Variants in ANKIB1 observed in about 807,000 individuals in gnomAD.
ANKIB1 encodes the protein ankyrin repeat and IBR domain-containing protein 1.
A neutral mutation model predicts 122.1 loss-of-function variants in ANKIB1; 43 were observed. The observed-to-expected ratio is 0.35, with a 90% CI of 0.28 to 0.45. The LOEUF (loss-of-function observed/expected upper bound fraction) is 0.45. Among genes scored for constraint, ANKIB1 ranks in the 20% least tolerant of loss-of-function variants. ANKIB1 has a pLI of 1.00. For missense variants in ANKIB1, 992 were observed against 1,329.5 expected (o/e 0.75, Z 3.95); for synonymous variants, 390 against 442.0 (o/e 0.88, Z 1.48).
chr7:92,369,326 G>A lies in ANKIB1; in HGVS notation c.1487-2151G>A, dbSNP rs192261605. ...CATTACCGCTGTTTCTCTTTGCTGTGTGGAATTAAAAACCAATGCTTTTAC... is the reference window on the plus strand; with the variant it reads ...CATTACCGCTGTTTCTCTTTGCTGTATGGAATTAAAAACCAATGCTTTTAC... On this transcript the variant is annotated intron_variant, in intron 10 of 19. Coordinates refer to ENST00000265742, the MANE Select transcript of ANKIB1 (RefSeq NM_019004.2). 2.1e-3 allele frequency among the ~76,000 whole-genome samples: 318 copies of A among 152,298 alleles called. 1 individual carries two copies. The highest frequency in any genetic ancestry group is 7.2e-3 in the African/African-American group (299 of 41,572).
chr7:92,327,772 T>C lies in ANKIB1; in HGVS notation c.670-11T>C, dbSNP rs558200107. ...AATGCCCATTTAACTTTATTTTTTT[T>C]CTTTTCAAAGCCATATGAAGGATTA... On this transcript the variant is annotated splice_polypyrimidine_tract_variant and intron_variant, in intron 4 of 19. Coordinates refer to ENST00000265742, the MANE Select transcript of ANKIB1 (RefSeq NM_019004.2). The C allele has an allele frequency of 1.1e-5, 16 of 1,485,862 alleles. No individual in the cohort carries two copies. Among genetic ancestry groups the C allele is most frequent in the African/African-American group, 2.9e-5 (2 of 69,642 alleles). 92.0% of individuals were successfully genotyped at this position (1,485,862 alleles called of 1,614,324 possible).
chr7:92,398,083 A>C, intron 19 of ANKIB1, 129 bp from the exon 20 acceptor site: 1 of 1,116,120 alleles, frequency 9.0e-7, no homozygotes, highest in Non-Finnish European at 1.2e-6. Context: ...AGATTTTAGT[A>C]GATAAAATAA....
chr7:92,347,331 C>T (rs1803562311), intron 7 of ANKIB1, among the ~76,000 whole-genome samples: 1 of 151,936 alleles, frequency 6.6e-6, no homozygotes, highest in Non-Finnish European at 1.5e-5. Flanking sequence ...CATCAGCTGT[C>T]ATTATTGTTA....
chr7:92,343,993 T>C (rs1413307432), intron 6 of ANKIB1, among the ~76,000 whole-genome samples: 1 of 152,142 alleles, frequency 6.6e-6, no homozygotes, highest in Non-Finnish European at 1.5e-5. Context: ...GTGATAAATA[T>C]GAAAGTGCTT....
At chr7:92,309,158 CTT>C (rs1475555597) in intron 3 of ANKIB1, among the ~76,000 whole-genome samples, 4 of 152,082 alleles carry the variant, frequency 2.6e-5, no homozygotes, top group Non-Finnish European at 5.9e-5. Flanking sequence ...CTTTTAGAGT[CTT>C]TGTCATTTCA....
At chr7:92,301,798 G>A (rs1489820894) in intron 2 of ANKIB1, among the ~76,000 whole-genome samples, 1 of 152,048 alleles carries the variant, frequency 6.6e-6, no homozygotes, top group Non-Finnish European at 1.5e-5. Context: ...TTTTAGGCAG[G>A]TTAAAATGTT....
intron 1 of ANKIB1, among the ~76,000 whole-genome samples, chr7:92,247,748 T>C (rs1801200296): frequency 6.6e-6 from 1 of 152,216 alleles, no homozygotes; most frequent in Non-Finnish European, 1.5e-5. Flanking sequence ...CAAACGATAA[T>C]TTAAGAATAA....
chr7:92,387,989 T>C lies in ANKIB1; in HGVS notation c.1854T>C (p.Leu618=). 6.3e-7 allele frequency: 1 copy of C among 1,584,164 alleles called. No homozygotes were observed. The highest frequency in any genetic ancestry group is 1.1e-5 in the South Asian group (1 of 87,074). ...TATTCCTTTAGCTAGAACAACGCCT[T>C]CTTAAAACAGCCAAAGAAAAGATGG... The part of the protein sequence containing the change: ...HEHSYQLEQR[L]LKTAKEKMEQ... Residue 618 remains leucine, a synonymous_variant, in exon 14 of 20, where the codon CTT becomes CTC. Coordinates refer to ENST00000265742, the MANE Select transcript of ANKIB1 (RefSeq NM_019004.2).
At chr7:92,260,034 A>G (rs1256704951) in intron 1 of ANKIB1, among the ~76,000 whole-genome samples, 1 of 152,088 alleles carries the variant, frequency 6.6e-6, no homozygotes, top group Admixed American at 6.5e-5. Flanking sequence ...TCTCACCCCC[A>G]TTAGTCTTCT....
At chr7:92,298,127 AC>A (rs1242081153) in intron 2 of ANKIB1, among the ~76,000 whole-genome samples, 1 of 152,010 alleles carries the variant, frequency 6.6e-6, no homozygotes, top group East Asian at 1.9e-4. Flanking sequence ...TTATTACTAA[AC>A]TCATCTCTAC....
chr7:92,346,034 T>C (rs559868457), intron 7 of ANKIB1, among the ~76,000 whole-genome samples: 2 of 152,244 alleles, frequency 1.3e-5, no homozygotes, highest in South Asian at 4.1e-4. Flanking sequence ...ATTCCCAGGT[T>C]TCCTCATTTC....
intron 7 of ANKIB1, among the ~76,000 whole-genome samples, chr7:92,345,917 A>G (rs1407669103): frequency 6.6e-6 from 1 of 152,026 alleles, no homozygotes; most frequent in Non-Finnish European, 1.5e-5. Context: ...AGCTTTGTTG[A>G]GGTACAGTTG....
chr7:92,363,668 AC>A lies in ANKIB1; in HGVS notation c.1486+1396del, dbSNP rs369346001. Among the ~76,000 whole-genome samples, 439 of 152,356 alleles carry A rather than the reference AC, an allele frequency of 2.9e-3. 4 individuals carry two copies. The highest frequency in any genetic ancestry group is 0.01 in the African/African-American group (417 of 41,586). ...CATCTCTGCCTCGTAGTAGGTAATT[AC>A]TGTCAGCAACTGAAGTGGCATTGAG... On this transcript the variant is annotated intron_variant, in intron 10 of 19. Transcript: ENST00000265742.
chr7:92,250,204 A>G lies in ANKIB1; in HGVS notation c.-91+3685A>G, dbSNP rs547794142. Among the ~76,000 whole-genome samples, 209 of 152,060 alleles carry G rather than the reference A, an allele frequency of 1.4e-3. 1 individual carries two copies. Among genetic ancestry groups the G allele is most frequent in the African/African-American group, 4.8e-3 (197 of 41,462 alleles). On this transcript the variant is annotated intron_variant, in intron 1 of 19. Transcript: ENST00000265742. ...AGGTCAGGAGTTCGAGACCAGCCTG[A>G]CCAACATAGAGAAACCCCATCTCTA...
chr7:92,311,124 T>C (rs1562778520), intron 3 of ANKIB1, among the ~76,000 whole-genome samples: 1 of 152,346 alleles, frequency 6.6e-6, no homozygotes, highest in South Asian at 2.1e-4. Context: ...TTATAATAAC[T>C]AACATTTGTA....
At chr7:92,361,801 T>G (rs890301903) in intron 9 of ANKIB1, among the ~76,000 whole-genome samples, 2 of 151,930 alleles carry the variant, frequency 1.3e-5, no homozygotes, top group East Asian at 3.9e-4. Flanking sequence ...GGAAGAATAC[T>G]TTCTACTTTT....
At chr7:92,257,468 G>T (rs925676109) in intron 1 of ANKIB1, among the ~76,000 whole-genome samples, 1 of 152,166 alleles carries the variant, frequency 6.6e-6, no homozygotes, top group African/African-American at 2.4e-5. Flanking sequence ...TTATGTATTT[G>T]CTTTTATTTC....
intron 5 of ANKIB1, among the ~76,000 whole-genome samples, chr7:92,338,181 GAGA>G (rs1291772559): frequency 1.3e-5 from 2 of 151,790 alleles, no homozygotes; most frequent in Admixed American, 6.6e-5. Flanking sequence ...GAGCCAAGGC[GAGA>G]AGATCACCTG....
intron 1 of ANKIB1, among the ~76,000 whole-genome samples, chr7:92,251,371 G>A (rs1801326357): frequency 6.6e-6 from 1 of 152,136 alleles, no homozygotes; most frequent in Non-Finnish European, 1.5e-5. Context: ...GTATGGTAAA[G>A]GAAAGTATGT....
Sources: gnomAD v4.1 joint callset for allele counts (sites outside exome capture counted in the v4.1 genomes callset) on GRCh38, gnomAD v4.1.1 for gene constraint, MANE v1.5 for transcripts, NCBI Gene and HGNC (gene_info 2026-07-23, HGNC 2026-07-21) for gene names.